GRM8: variants seen among roughly 807,000 people sequenced by gnomAD.
GRM8 encodes the protein metabotropic glutamate receptor 8.
Under a neutral mutation model 87.2 loss-of-function variants are expected in GRM8, and 47 were observed. The ratio of observed to expected loss-of-function variants is 0.54; its 90% CI spans 0.43 to 0.69. The LOEUF (loss-of-function observed/expected upper bound fraction) is 0.69, where lower values mean the gene tolerates loss of function less well. GRM8 is among the 30% of genes least tolerant of loss of function. The probability of loss-of-function intolerance (pLI) is 0.00; values close to 1 mark genes in which losing one functional copy is unlikely to be tolerated. For missense variants in GRM8, 1,019 were observed against 1,139.2 expected (o/e 0.89, Z 1.52); for synonymous variants, 396 against 404.5 (o/e 0.98, Z 0.25).
intron 3 of GRM8, among the ~76,000 whole-genome samples, chr7:127,072,933 CTT>C (rs2132695185): frequency 6.6e-6 from 1 of 151,694 alleles, no homozygotes; most frequent in East Asian, 1.9e-4. Context: ...GCCCACCTCT[CTT>C]TCTTTTTTTT....
At chr7:126,614,022 G>A (rs1479809628) in intron 7 of GRM8, among the ~76,000 whole-genome samples, 1 of 152,234 alleles carries the variant, frequency 6.6e-6, no homozygotes, top group African/African-American at 2.4e-5. Context: ...CAGCTTTGAA[G>A]AGAGTAGTGG....
At chr7:126,712,753 G>GA (rs981946726) in intron 7 of GRM8, among the ~76,000 whole-genome samples, 58 of 151,896 alleles carry the variant, frequency 3.8e-4, no homozygotes, top group African/African-American at 1.1e-3. Flanking sequence ...AAATTTACAA[G>GA]AAAAAAACCC....
chr7:126,722,096 C>T lies in GRM8; in HGVS notation c.1357+47769G>A, dbSNP rs146849775. 4.2e-3 allele frequency among the ~76,000 whole-genome samples: 646 copies of T among 152,176 alleles called. 9 individuals are homozygous for T. Among genetic ancestry groups the T allele is most frequent in the South Asian group, 0.035 (170 of 4,820 alleles). ...AAGATACTGTTCCATCAAATCTGCA[C>T]GGACACTCTATTCTTTAACTTTCCT... On this transcript the variant is annotated intron_variant, in intron 7 of 10. Coordinates refer to ENST00000339582, the MANE Select transcript of GRM8 (RefSeq NM_000845.3).
chr7:127,062,459 A>C (rs1319183245), intron 3 of GRM8, among the ~76,000 whole-genome samples: 1 of 152,226 alleles, frequency 6.6e-6, no homozygotes, highest in Admixed American at 6.5e-5. Flanking sequence ...ATGACACTGC[A>C]AGCATGAAAG....
At chr7:126,878,944 CCT>C (rs1799779340) in intron 6 of GRM8, among the ~76,000 whole-genome samples, 1 of 151,868 alleles carries the variant, frequency 6.6e-6, no homozygotes. Flanking sequence ...AGGTCGATCA[CCT>C]GAGGTCAGGA....
intron 7 of GRM8, among the ~76,000 whole-genome samples, chr7:126,732,262 G>A (rs202057777): frequency 6.6e-6 from 1 of 152,064 alleles, no homozygotes; most frequent in Non-Finnish European, 1.5e-5. Flanking sequence ...AAGACCAGTT[G>A]TAAAAGAACA....
In GRM8 at chr7:126,598,571, T is replaced by C. The variant is rs139680425; in HGVS notation, c.1494+10791A>G. ...TATTTATTTGTCCTACTGTGATAAA[T>C]GTATCTTAGTAAGGCCTTTCGAAAT... On this transcript the variant is annotated intron_variant, in intron 8 of 10. Coordinates refer to ENST00000339582, the MANE Select transcript of GRM8 (RefSeq NM_000845.3). Among the ~76,000 whole-genome samples, 10 of 152,226 alleles carry C rather than the reference T, an allele frequency of 6.6e-5. No homozygotes were observed. The East Asian group carries it at 1.9e-3, about 29-fold the overall frequency.
At chr7:126,794,345 T>C (rs771231177) in intron 6 of GRM8, among the ~76,000 whole-genome samples, 14 of 152,130 alleles carry the variant, frequency 9.2e-5, no homozygotes, top group Admixed American at 5.2e-4. Context: ...AGGTTTAGTG[T>C]CTCCAAAGGT....
intron 3 of GRM8, among the ~76,000 whole-genome samples, chr7:127,039,628 G>A (rs554903856): frequency 7.0e-4 from 92 of 131,250 alleles, no homozygotes; most frequent in African/African-American, 2.7e-3. Context: ...AAGGGGAAGG[G>A]GAAGGAGAAG....
intron 3 of GRM8, chr7:127,105,324 T>A (rs569462374): frequency 1.3e-5 from 2 of 152,328 alleles, no homozygotes; most frequent in South Asian, 4.1e-4. Flanking sequence ...TCCAATTAAA[T>A]CAATTAGCCC....
At chr7:126,961,914 T>C (rs1336329702) in intron 3 of GRM8, among the ~76,000 whole-genome samples, 3 of 152,214 alleles carry the variant, frequency 2.0e-5, no homozygotes, top group Non-Finnish European at 2.9e-5. Context: ...GTATCCAGCA[T>C]AGAGGAGACT....
intron 8 of GRM8, among the ~76,000 whole-genome samples, chr7:126,540,745 A>G (rs1816438300): frequency 6.6e-6 from 1 of 152,218 alleles, no homozygotes; most frequent in African/African-American, 2.4e-5. Flanking sequence ...AATCCATTGA[A>G]TTCCAGGAGC....
chr7:126,640,223 A>G (rs752402256), intron 7 of GRM8, among the ~76,000 whole-genome samples: 1 of 152,220 alleles, frequency 6.6e-6, no homozygotes, highest in African/African-American at 2.4e-5. Flanking sequence ...GATAGCCTTT[A>G]GTGCAATTAA....
intron 3 of GRM8, among the ~76,000 whole-genome samples, chr7:127,067,977 T>C (rs908446940): frequency 6.6e-6 from 1 of 152,172 alleles, no homozygotes; most frequent in African/African-American, 2.4e-5. Flanking sequence ...TACACCTATT[T>C]AGGTAACTGT....
intron 2 of GRM8, among the ~76,000 whole-genome samples, chr7:127,186,779 G>C (rs1276414958): frequency 2.0e-5 from 3 of 152,114 alleles, no homozygotes; most frequent in Non-Finnish European, 4.4e-5. Flanking sequence ...AGTGTAAATA[G>C]GATGCACCTG....
chr7:127,186,562 G>A (rs1359019055), intron 2 of GRM8, among the ~76,000 whole-genome samples: 1 of 152,136 alleles, frequency 6.6e-6, no homozygotes, highest in Non-Finnish European at 1.5e-5. Context: ...TCTCCCAGCT[G>A]CCTTCTGCTC....
At chr7:126,575,113 T>G (rs1375699837) in intron 8 of GRM8, among the ~76,000 whole-genome samples, 1 of 152,156 alleles carries the variant, frequency 6.6e-6, no homozygotes, top group Non-Finnish European at 1.5e-5. Context: ...TACCGGTTTG[T>G]GGCCTGTTAG....
rs115481996 is a variant in GRM8, at chr7:126,721,801, T to C, written c.1357+48064A>G. Reference sequence around the variant, plus strand: ...TCCTCTAAGTCTCTCTACCCCATTCTCCAACTTTGCAAGGAACAACACTCC... The same window carrying C: ...TCCTCTAAGTCTCTCTACCCCATTCCCCAACTTTGCAAGGAACAACACTCC... On this transcript the variant is annotated intron_variant, in intron 7 of 10. Transcript: ENST00000339582. Among the ~76,000 whole-genome samples the C allele has an allele frequency of 8.3e-3, 1,263 of 152,156 alleles. 18 individuals carry two copies. The highest frequency in any genetic ancestry group is 0.029 in the African/African-American group (1,189 of 41,532).
At chr7:126,586,322 A>T (rs981208378) in intron 8 of GRM8, among the ~76,000 whole-genome samples, 3 of 152,200 alleles carry the variant, frequency 2.0e-5, no homozygotes, top group Non-Finnish European at 2.9e-5. Flanking sequence ...ACAGAATTGG[A>T]AAAAATACTT....
Sources: gnomAD v4.1 joint callset for allele counts (sites outside exome capture counted in the v4.1 genomes callset) on GRCh38, gnomAD v4.1.1 for gene constraint, MANE v1.5 for transcripts, NCBI Gene and HGNC (gene_info 2026-07-23, HGNC 2026-07-21) for gene names.